The following CCT8 variants were observed in gnomAD, a reference collection of about 807,000 sequenced individuals.
CCT8 encodes the protein chaperonin containing TCP1 subunit 8, also known as T-complex protein 1 subunit theta.
A neutral mutation model predicts 65.7 loss-of-function variants in CCT8; 10 were observed. The observed-to-expected ratio is 0.15, with a 90% CI of 0.09 to 0.26. The LOEUF (loss-of-function observed/expected upper bound fraction) is 0.26. Among genes scored for constraint, CCT8 ranks in the 10% least tolerant of loss-of-function variants. The pLI is 1.00. For synonymous variants in CCT8, 199 were observed against 221.8 expected, an observed-to-expected ratio of 0.90 and a Z score of 0.92; for missense variants, 568 against 669.1, an observed-to-expected ratio of 0.85 and a Z score of 1.67.
intron 11 of CCT8, among the ~76,000 whole-genome samples, chr21:29,061,857 A>C (rs1453685981): frequency 6.6e-6 from 1 of 152,228 alleles, no homozygotes; most frequent in African/African-American, 2.4e-5. Flanking sequence ...TTTAGCAACT[A>C]ACAGTACATT....
chr21:29,057,581 C>G, intron 14 of CCT8, among the ~76,000 whole-genome samples: 1 of 91,372 alleles, frequency 1.1e-5, no homozygotes, highest in Non-Finnish European at 3.2e-5. Flanking sequence ...GCCTGGGCAA[C>G]AAAGTGAGAC....
chr21:29,071,881 T>C (rs183295453), intron 1 of CCT8: 3 of 695,634 alleles, frequency 4.3e-6, no homozygotes, highest in East Asian at 2.7e-5. Context: ...TAGGATAAAA[T>C]GCAAATCCCT....
At chr21:29,059,648 C>A (rs906771557) in intron 14 of CCT8, 1 of 152,210 alleles carries the variant, frequency 6.6e-6, no homozygotes, top group Non-Finnish European at 1.5e-5. Flanking sequence ...TTGAAAATCA[C>A]CTAATAAGCT....
rs765803538 is a variant in CCT8 at position 29,064,921 on chromosome 21, G to C, written c.762+47C>G. On this transcript the variant is annotated intron_variant, in intron 7 of 14. Coordinates refer to ENST00000286788, the MANE Select transcript of CCT8 (RefSeq NM_006585.4). ...GTTTAAGAGCTAACTCAAACAATCT[G>C]AAAGTGCAACCCCAATTATTACTTT... 5.1e-6 allele frequency: 8 copies of C among 1,574,034 alleles called. No homozygotes were observed. In the East Asian group the frequency reaches 1.6e-4, roughly 31 times the overall value.
At chr21:29,071,074 T>C (rs2085674780) in intron 1 of CCT8, among the ~76,000 whole-genome samples, 1 of 152,248 alleles carries the variant, frequency 6.6e-6, no homozygotes, top group Non-Finnish European at 1.5e-5. Flanking sequence ...TCCTCAGATA[T>C]ATTTCACTAA....
rs757144494 is a variant in CCT8 at position 29,066,754 on chromosome 21, G to A, written c.586C>T (p.His196Tyr). 1 of 1,608,092 alleles carries A rather than the reference G, an allele frequency of 6.2e-7. No homozygotes were observed. Among genetic ancestry groups the A allele is most frequent in the Non-Finnish European group, 8.5e-7 (1 of 1,177,204 alleles). The change falls in exon 6 of 15, where the codon CAT becomes TAT. Residue 196 changes from histidine to tyrosine, a missense_variant. Transcript: ENST00000286788. ...ACVSIFPDSGHFNVDNIRVCK... is the reference protein window; with the variant it reads ...ACVSIFPDSGYFNVDNIRVCK... ...ACTCTGATGTTATCAACATTGAAAT[G>A]GCCGGAATCAGGAAAAATAGATACT... is the stretch of plus-strand genomic sequence containing the variant.
intron 6 of CCT8, among the ~76,000 whole-genome samples, chr21:29,065,478 T>C (rs2081503720): frequency 6.6e-6 from 1 of 152,202 alleles, no homozygotes; most frequent in African/African-American, 2.4e-5. Context: ...TTGCATTTAA[T>C]GGGAAAAGCT....
chr21:29,064,880 TAAG>T (rs1279812461), intron 7 of CCT8, 85 bp downstream of exon 7: 27 of 1,153,490 alleles, frequency 2.3e-5, no homozygotes, highest in Middle Eastern at 2.7e-4. Flanking sequence ...TTCAGTTTTT[TAAG>T]AAGTACTTAC....
At chr21:29,073,323 C>T (rs1481639929) in intron 1 of CCT8, 1 of 1,417,298 alleles carries the variant, frequency 7.1e-7, no homozygotes, top group African/African-American at 1.4e-5. Flanking sequence ...GATCCCTCGG[C>T]CTTCTCCCGG....
chr21:29,066,897 C>T lies in CCT8; in HGVS notation c.556G>A (p.Ala186Thr), dbSNP rs1466668923. The change falls in exon 5 of 15, where the codon GCA (alanine) becomes ACA (threonine). Residue 186 changes from alanine to threonine, a missense_variant. Physicochemically the swap from Ala to Thr is moderately conservative, Grantham distance 58. Transcript: ENST00000286788. ...TTTACTGATATTTACTTACCGCATG[C>T]CTGAGCAATAAGCTTGGCCAGAAAT... is the stretch of plus-strand genomic sequence containing the variant. Reference protein sequence around the residue: ...EVFLAKLIAQACVSIFPDSGH... With the variant: ...EVFLAKLIAQTCVSIFPDSGH... The T allele has an allele frequency of 1.9e-6, 3 of 1,604,758 alleles. No individual in the cohort carries two copies. The highest frequency in any genetic ancestry group is 1.7e-4 in the Middle Eastern group (1 of 6,022).
chr21:29,073,401 G>C (rs2085705810), intron 1 of CCT8, 130 bp downstream of exon 1: 1 of 1,511,668 alleles, frequency 6.6e-7, no homozygotes, highest in Admixed American at 2.2e-5. Context: ...TCCCTTTCTG[G>C]AATCTTCTCT....
intron 6 of CCT8, among the ~76,000 whole-genome samples, chr21:29,066,317 G>A (rs1415023859): frequency 3.3e-5 from 5 of 152,026 alleles, no homozygotes; most frequent in African/African-American, 9.7e-5. Flanking sequence ...AAGGCAGGTG[G>A]ATCACCTGAG....
Position 29,062,509 on chromosome 21 carries a change from G to A in CCT8, c.989C>T (p.Ala330Val), listed in dbSNP as rs1250720772. The change falls in exon 9 of 15, where the codon GCT becomes GTT. Residue 330 changes from alanine (A) to valine (V), a missense_variant. Ala to Val is a moderately conservative substitution (Grantham distance 64). Coordinates refer to ENST00000286788, the MANE Select transcript of CCT8 (RefSeq NM_006585.4). ...DLRRLCKTVG[A>V]TALPRLTPPV... ...ACATACCAATCTAGGAAGAGCTGTA[G>A]CACCAACAGTTTTACAAAGTCTTCG... The A allele has an allele frequency of 1.9e-6, 3 of 1,613,726 alleles. No homozygotes were observed. The African/African-American group carries it at 4.0e-5, about 22-fold the overall frequency.
At chr21:29,072,939 GA>G (rs956108811) in intron 1 of CCT8, among the ~76,000 whole-genome samples, 2 of 152,216 alleles carry the variant, frequency 1.3e-5, no homozygotes, top group Admixed American at 1.3e-4. Context: ...CAAAACCCAA[GA>G]AAGTTACATT....
chr21:29,072,880 A>G (rs943700509), intron 1 of CCT8, among the ~76,000 whole-genome samples: 1 of 152,268 alleles, frequency 6.6e-6, no homozygotes, highest in East Asian at 1.9e-4. Flanking sequence ...CACAGAACTC[A>G]AAGACACCAC....
chr21:29,071,714 G>A (rs2085682363), intron 1 of CCT8, among the ~76,000 whole-genome samples: 1 of 152,036 alleles, frequency 6.6e-6, no homozygotes, highest in South Asian at 2.1e-4. Context: ...AGCATCTTCA[G>A]CAATAAGAAC....
intron 5 of CCT8, 53 bp downstream of exon 5, chr21:29,066,838 C>A: frequency 6.3e-7 from 1 of 1,575,394 alleles, no homozygotes; most frequent in Non-Finnish European, 8.7e-7. Flanking sequence ...AGTATCTAGT[C>A]ATGTTAAAGG....
At chr21:29,067,762 G>T in intron 3 of CCT8, 57 bp from the exon 4 acceptor site, 1 of 1,278,548 alleles carries the variant, frequency 7.8e-7, no homozygotes. Flanking sequence ...ACATAAAATT[G>T]TTCATTTCCA....
In CCT8 at chr21:29,062,235, C is replaced by G; in HGVS notation, c.1105G>C (p.Asp369His). 3 of 1,612,738 alleles carry G rather than the reference C, an allele frequency of 1.9e-6. No individual in the cohort carries two copies. The highest frequency in any genetic ancestry group is 2.5e-6 in the Non-Finnish European group (3 of 1,178,868). ...AGTACTATGGTAGAAATGGCGCCATCTTCCTTTTCTATCAAAAAATTAAAT... is the reference window on the plus strand; with the variant it reads ...AGTACTATGGTAGAAATGGCGCCATGTTCCTTTTCTATCAAAAAATTAAAT... Reference protein sequence around the residue: ...QVVVFKHEKEDGAISTIVLRG... With the variant: ...QVVVFKHEKEHGAISTIVLRG... The change falls in exon 11 of 15, where the codon GAT (aspartate) becomes CAT (histidine). Residue 369 changes from aspartate (D) to histidine (H), a missense_variant. Asp to His is a moderately conservative substitution (Grantham distance 81). Coordinates refer to ENST00000286788, the MANE Select transcript of CCT8 (RefSeq NM_006585.4).
Sources: gnomAD v4.1 joint callset for allele counts (sites outside exome capture counted in the v4.1 genomes callset) on GRCh38, gnomAD v4.1.1 for gene constraint, MANE v1.5 for transcripts, NCBI Gene and HGNC (gene_info 2026-07-23, HGNC 2026-07-21) for gene names.